Variants in SSTR4 observed in about 807,000 individuals in gnomAD.
SSTR4 encodes the protein somatostatin receptor type 4.
For synonymous variants in SSTR4, 272 were observed against 246.3 expected, an observed-to-expected ratio of 1.10 and a Z score of -0.98; for missense variants, 649 against 540.6, an observed-to-expected ratio of 1.20 and a Z score of -1.99.
In SSTR4 at chr20:23,038,812, G is replaced by A. The variant is rs1385934574; in HGVS notation, c.*2162G>A. On this transcript the variant is annotated 3_prime_UTR_variant, in exon 1 of 1. Coordinates refer to ENST00000255008, the MANE Select transcript of SSTR4 (RefSeq NM_001052.4). Reference sequence around the variant, plus strand: ...TCCTTCCATCACCACTGGAAAATGAGCGTGAACACTGCCCTTGACCCTGCA... The same window carrying A: ...TCCTTCCATCACCACTGGAAAATGAACGTGAACACTGCCCTTGACCCTGCA... 6.6e-6 allele frequency: 1 copy of A among 152,254 alleles called. No homozygotes were observed. The highest frequency in any genetic ancestry group is 2.4e-5 in the African/African-American group (1 of 41,456). 9.4% of individuals were successfully genotyped at this position (152,254 alleles called of 1,614,324 possible).
chr20:23,036,341 C>A lies in SSTR4; in HGVS notation c.858C>A (p.Thr286=). 6.2e-7 allele frequency: 1 copy of A among 1,614,152 alleles called. No individual in the cohort carries two copies. ...TGCAGCTGCTGAACCTCTTCGTGAC[C>A]AGCCTTGATGCCACCGTCAACCACG... is the stretch of plus-strand genomic sequence containing the variant. ...YVVQLLNLFV[T]SLDATVNHVS... Residue 286 remains threonine, a synonymous_variant, in exon 1 of 1, where the codon ACC becomes ACA. Transcript: ENST00000255008.
Position 23,036,625 on chromosome 20 carries a change from C to T in SSTR4, c.1142C>T (p.Pro381Leu), listed in dbSNP as rs1452446716. 3 of 1,561,038 alleles carry T rather than the reference C, an allele frequency of 1.9e-6. No homozygotes were observed. Among genetic ancestry groups the T allele is most frequent in the Non-Finnish European group, 1.7e-6 (2 of 1,154,854 alleles). Residue 381 changes from proline to leucine, a missense_variant, in exon 1 of 1, where the codon CCC becomes CTC. Physicochemically the swap from Pro to Leu is moderately conservative, Grantham distance 98. Transcript: ENST00000255008. ...LQPEPGRKRI[P>L]LTRTTTF ...CCAGAACCCGGCCGCAAGCGCATCCCCCTCACCAGGACCACCACCTTCTGA... is the reference window on the plus strand; with the variant it reads ...CCAGAACCCGGCCGCAAGCGCATCCTCCTCACCAGGACCACCACCTTCTGA...
Position 23,035,444 on chromosome 20 carries a change from C to G in SSTR4, c.-40C>G, listed in dbSNP as rs1984271440. 3 of 1,357,500 alleles carry G rather than the reference C, an allele frequency of 2.2e-6. No individual in the cohort carries two copies. The highest frequency in any genetic ancestry group is 2.8e-6 in the Non-Finnish European group (3 of 1,061,234). The allele number at this position is 1,357,500 out of a possible 1,614,324, so 84.1% of individuals were successfully genotyped here. A position where few individuals can be genotyped will look rare whatever the true frequency, so the allele number is the denominator to read the frequency against. On this transcript the variant is annotated 5_prime_UTR_variant, in exon 1 of 1. Transcript: ENST00000255008. ...CCCGAGCTCTCTGGCGCAGCGCTAG[C>G]TCCGCCGCGCTCAGCTGCCCTGCGC... is the stretch of plus-strand genomic sequence containing the variant.
Position 23,037,741 on chromosome 20 carries a change from A to T in SSTR4, c.*1091A>T, listed in dbSNP as rs1568662670. On this transcript the variant is annotated 3_prime_UTR_variant, in exon 1 of 1. Transcript: ENST00000255008. ...CTGATAAAAGCAGGGGAGGGGACAA[A>T]GGAGAACTTGGAACACTTATGTTAG... is the stretch of plus-strand genomic sequence containing the variant. Among the ~76,000 whole-genome samples, 1 of 152,238 alleles carries T rather than the reference A, an allele frequency of 6.6e-6. No individual in the cohort carries two copies. Among genetic ancestry groups the T allele is most frequent in the African/African-American group, 2.4e-5 (1 of 41,456 alleles).
rs1984286793 is a variant in SSTR4, at chr20:23,035,692, T to G, written c.209T>G (p.Phe70Cys). Reference sequence around the variant, plus strand: ...CTGGTGGGCAACGCCCTGGTCATCTTCGTGATCCTTCGCTACGCCAAGATG... The same window carrying G: ...CTGGTGGGCAACGCCCTGGTCATCTGCGTGATCCTTCGCTACGCCAAGATG... ...VGLVGNALVI[F>C]VILRYAKMKT... is the part of the protein sequence containing the mutation. Residue 70 changes from phenylalanine to cysteine, a missense_variant, in exon 1 of 1, where the codon TTC becomes TGC. Transcript: ENST00000255008. The G allele has an allele frequency of 1.9e-6, 3 of 1,554,110 alleles. No individual in the cohort carries two copies. Among genetic ancestry groups the G allele is most frequent in the Non-Finnish European group, 2.6e-6 (3 of 1,151,250 alleles).
In SSTR4 at chr20:23,036,106, C is replaced by A; in HGVS notation, c.623C>A (p.Ser208Ter). Residue 208 changes from serine to a stop codon, truncating the protein, a stop_gained, in exon 1 of 1, where the codon TCG becomes TAG. Coordinates refer to ENST00000255008, the MANE Select transcript of SSTR4 (RefSeq NM_001052.4). LOFTEE classifies it low-confidence loss of function (END_TRUNC). ...CNLQWPHPAW[S>*]AVFVVYTFLL... ...CTGCAGTGGCCACACCCGGCCTGGT[C>A]GGCAGTCTTCGTGGTCTACACTTTC... 6.2e-7 allele frequency: 1 copy of A among 1,602,052 alleles called. No individual in the cohort carries two copies. Among genetic ancestry groups the A allele is most frequent in the Non-Finnish European group, 8.5e-7 (1 of 1,179,472 alleles).
Position 23,036,357 on chromosome 20 carries a change from G to T in SSTR4, c.874G>T (p.Val292Phe), listed in dbSNP as rs563434094. The change falls in exon 1 of 1, where the codon GTC becomes TTC. Residue 292 changes from valine to phenylalanine, a missense_variant. Coordinates refer to ENST00000255008, the MANE Select transcript of SSTR4 (RefSeq NM_001052.4). ...NLFVTSLDATVNHVSLILSYA... is the reference protein window; with the variant it reads ...NLFVTSLDATFNHVSLILSYA... ...CTTCGTGACCAGCCTTGATGCCACC[G>T]TCAACCACGTGTCCCTTATCCTTAG... 3 of 1,613,996 alleles carry T rather than the reference G, an allele frequency of 1.9e-6. No homozygotes were observed. Among genetic ancestry groups the T allele is most frequent in the Non-Finnish European group, 2.5e-6 (3 of 1,180,020 alleles).
Position 23,036,240 on chromosome 20 carries a change from T to A in SSTR4, c.757T>A (p.Ser253Thr). ...CGCTGGCTGGCAGCAGCGCAGGCGC[T>A]CGGAGAAGAAAATCACCAGGCTGGT... ...LRAGWQQRRR[S>T]EKKITRLVLM... Residue 253 changes from serine to threonine, a missense_variant, in exon 1 of 1, where the codon TCG becomes ACG. Transcript: ENST00000255008. 6.2e-7 allele frequency: 1 copy of A among 1,614,140 alleles called. No homozygotes were observed. Among genetic ancestry groups the A allele is most frequent in the Non-Finnish European group, 8.5e-7 (1 of 1,180,042 alleles).
rs528126183 is a variant in SSTR4, at chr20:23,036,469, G to A, written c.986G>A (p.Arg329His). Residue 329 changes from arginine (R) to histidine (H), a missense_variant, in exon 1 of 1, where the codon CGC becomes CAC. Arg to His is a conservative substitution (Grantham distance 29). Coordinates refer to ENST00000255008, the MANE Select transcript of SSTR4 (RefSeq NM_001052.4). ...TTCTTCCAGCGGGTTCTCTGCCTGC[G>A]CTGCTGCCTCCTGGAAGGTGCTGGA... Reference protein sequence around the residue: ...RRFFQRVLCLRCCLLEGAGGA... With the variant: ...RRFFQRVLCLHCCLLEGAGGA... 6 of 1,613,716 alleles carry A rather than the reference G, an allele frequency of 3.7e-6. No individual in the cohort carries two copies. In the Admixed American group the frequency reaches 6.7e-5, roughly 18 times the overall value.
In SSTR4 at chr20:23,035,657, CCTGGTGGGG is replaced by C; in HGVS notation, c.183_191del (p.Leu62_Gly64del). Reference sequence around the variant, plus strand: ...TCCAGTGCATCTACGCGCTGGTGTGCCTGGTGGGGCTGGTGGGCAACGCCCTGGTCATCT... The same window carrying C: ...TCCAGTGCATCTACGCGCTGGTGTGCCTGGTGGGCAACGCCCTGGTCATCT... On this transcript the variant is annotated inframe_deletion, in exon 1 of 1. Transcript: ENST00000255008. 6.5e-7 allele frequency: 1 copy of C among 1,540,664 alleles called. No homozygotes were observed. Among genetic ancestry groups the C allele is most frequent in the Non-Finnish European group, 8.7e-7 (1 of 1,144,682 alleles).
Position 23,037,541 on chromosome 20 carries a change from A to C in SSTR4, c.*891A>C, listed in dbSNP as rs746608172. On this transcript the variant is annotated 3_prime_UTR_variant, in exon 1 of 1. Transcript: ENST00000255008. ...GGTTTTGGATAGAGGAAGCAGCTTC[A>C]TCACCACCCCCTATTTTAGAATGTC... 1.3e-5 allele frequency among the ~76,000 whole-genome samples: 2 copies of C among 152,162 alleles called. No homozygotes were observed. Among genetic ancestry groups the C allele is most frequent in the Non-Finnish European group, 2.9e-5 (2 of 68,028 alleles).
Position 23,036,090 on chromosome 20 carries a change from C to A in SSTR4, c.607C>A (p.Pro203Thr). Residue 203 changes from proline to threonine, a missense_variant, in exon 1 of 1, where the codon CCA (proline) becomes ACA (threonine). By Grantham distance (38) the Pro-to-Thr change is conservative. Transcript: ENST00000255008. ...GQAVACNLQW[P>T]HPAWSAVFVV... ...GGCCGTGGCCTGCAACCTGCAGTGG[C>A]CACACCCGGCCTGGTCGGCAGTCTT... The A allele has an allele frequency of 1.3e-6, 2 of 1,599,204 alleles. No homozygotes were observed. Among genetic ancestry groups the A allele is most frequent in the Non-Finnish European group, 1.7e-6 (2 of 1,178,662 alleles).
chr20:23,037,541 A>T lies in SSTR4; in HGVS notation c.*891A>T, dbSNP rs746608172. 2.6e-5 allele frequency among the ~76,000 whole-genome samples: 4 copies of T among 152,162 alleles called. No homozygotes were observed. The Middle Eastern group carries it at 9.5e-3, about 361-fold the overall frequency. On this transcript the variant is annotated 3_prime_UTR_variant, in exon 1 of 1. Transcript: ENST00000255008. ...GGTTTTGGATAGAGGAAGCAGCTTC[A>T]TCACCACCCCCTATTTTAGAATGTC...
chr20:23,036,559 G>A lies in SSTR4; in HGVS notation c.1076G>A (p.Cys359Tyr). 1 of 1,610,842 alleles carries A rather than the reference G, an allele frequency of 6.2e-7. No homozygotes were observed. Among genetic ancestry groups the A allele is most frequent in the Non-Finnish European group, 8.5e-7 (1 of 1,178,710 alleles). Residue 359 changes from cysteine (C) to tyrosine (Y), a missense_variant, in exon 1 of 1, where the codon TGC becomes TAC. Cys to Tyr is a radical substitution (Grantham distance 194). Coordinates refer to ENST00000255008, the MANE Select transcript of SSTR4 (RefSeq NM_001052.4). ...CTCAAGAGCAAAGGTGGGGCAGGGT[G>A]CATGTGCCCCCCACTCCCCTGCCAG... ...TALKSKGGAGCMCPPLPCQQE... is the reference protein window; with the variant it reads ...TALKSKGGAGYMCPPLPCQQE...
At position 23,036,356 on chromosome 20, in the gene SSTR4, C is replaced by A. The variant is rs199944012; in HGVS notation, c.873C>A (p.Thr291=). The A allele has an allele frequency of 2.5e-6, 4 of 1,613,998 alleles. No individual in the cohort carries two copies. The highest frequency in any genetic ancestry group is 3.4e-6 in the Non-Finnish European group (4 of 1,180,008). The change falls in exon 1 of 1, where the codon ACC becomes ACA. Residue 291 remains threonine (T), a synonymous_variant. Coordinates refer to ENST00000255008, the MANE Select transcript of SSTR4 (RefSeq NM_001052.4). ...LNLFVTSLDA[T]VNHVSLILSY... ...TCTTCGTGACCAGCCTTGATGCCAC[C>A]GTCAACCACGTGTCCCTTATCCTTA...
At position 23,037,096 on chromosome 20, in the gene SSTR4, T is replaced by C. The variant is rs1025159634; in HGVS notation, c.*446T>C. Among the ~76,000 whole-genome samples, 1 of 152,194 alleles carries C rather than the reference T, an allele frequency of 6.6e-6. No homozygotes were observed. The highest frequency in any genetic ancestry group is 1.5e-5 in the Non-Finnish European group (1 of 68,034). ...GTACAGGAGAGAGGAGGAAGGAAGATGCCCCCAGGCACCTGCCCTTTATGT... is the reference window on the plus strand; with the variant it reads ...GTACAGGAGAGAGGAGGAAGGAAGACGCCCCCAGGCACCTGCCCTTTATGT... On this transcript the variant is annotated 3_prime_UTR_variant, in exon 1 of 1. Coordinates refer to ENST00000255008, the MANE Select transcript of SSTR4 (RefSeq NM_001052.4).
At position 23,037,404 on chromosome 20, in the gene SSTR4, T is replaced by C. The variant is rs532863613; in HGVS notation, c.*754T>C. 1 of 152,170 alleles carries C rather than the reference T, an allele frequency of 6.6e-6. No homozygotes were observed. Among genetic ancestry groups the C allele is most frequent in the Admixed American group, 6.5e-5 (1 of 15,282 alleles). The allele number at this position is 152,170 out of a possible 1,614,324, so 9.4% of individuals were successfully genotyped here. A position where few individuals can be genotyped will look rare whatever the true frequency, so the allele number is the denominator to read the frequency against. On this transcript the variant is annotated 3_prime_UTR_variant, in exon 1 of 1. Coordinates refer to ENST00000255008, the MANE Select transcript of SSTR4 (RefSeq NM_001052.4). The stretch of plus-strand genomic sequence containing the variant: ...ATTTTTTTTCCCTGATCCTTTGATG[T>C]GGGAACATGAGAACTCATTAAGGCA...
chr20:23,036,441 C>T lies in SSTR4; in HGVS notation c.958C>T (p.Arg320Ter), dbSNP rs372006347. 1.5e-4 allele frequency: 235 copies of T among 1,613,780 alleles called. No homozygotes were observed. Among genetic ancestry groups the T allele is most frequent in the Admixed American group, 1.1e-3 (64 of 59,994 alleles). ...LYGFLSDNFR[R>*]FFQRVLCLRC... ...TGGCTTCCTCTCCGACAACTTCCGC[C>T]GATTCTTCCAGCGGGTTCTCTGCCT... The change falls in exon 1 of 1, where the codon CGA becomes TGA. Residue 320 changes from arginine to a stop codon, truncating the protein, a stop_gained. Coordinates refer to ENST00000255008, the MANE Select transcript of SSTR4 (RefSeq NM_001052.4). LOFTEE classifies it low-confidence loss of function (END_TRUNC).
At position 23,035,345 on chromosome 20, in the gene SSTR4, CG is replaced by C; in HGVS notation, c.-137del. On this transcript the variant is annotated 5_prime_UTR_variant, in exon 1 of 1. Transcript: ENST00000255008. Reference sequence around the variant, plus strand: ...GGCGCGGGGATTGGCGGGCGCTCCCCGGTGCCCGCAGCTCTTCAGCGTAGCC... The same window carrying C: ...GGCGCGGGGATTGGCGGGCGCTCCCCGTGCCCGCAGCTCTTCAGCGTAGCC... The C allele has an allele frequency of 3.1e-6, 2 of 648,026 alleles. No individual in the cohort carries two copies. The allele number at this position is 648,026 out of a possible 1,614,324, so 40.1% of individuals were successfully genotyped here. A position where few individuals can be genotyped will look rare whatever the true frequency, so the allele number is the denominator to read the frequency against.
Sources: gnomAD v4.1 joint callset for allele counts (sites outside exome capture counted in the v4.1 genomes callset) on GRCh38, gnomAD v4.1.1 for gene constraint, MANE v1.5 for transcripts, NCBI Gene and HGNC (gene_info 2026-07-23, HGNC 2026-07-21) for gene names.